ZNF362: variants seen among roughly 807,000 people sequenced by gnomAD.
ZNF362 encodes the protein zinc finger protein 362, also known as rotund homolog.
In ZNF362, 11 loss-of-function variants were observed where a neutral mutation model predicts 42.9. That is an observed-to-expected ratio of 0.26 (90% CI 0.16 to 0.42). ZNF362 has a LOEUF of 0.42. Among genes scored for constraint, ZNF362 ranks in the 20% least tolerant of loss-of-function variants. The probability of loss-of-function intolerance (pLI) is 1.00; values close to 1 mark genes in which losing one functional copy is unlikely to be tolerated. For synonymous variants in ZNF362, 255 were observed against 257.3 expected (o/e 0.99, Z 0.09); for missense variants, 362 against 576.2 (o/e 0.63, Z 3.81).
At chr1:33,282,898 C>G (rs1464559719) in intron 6 of ZNF362, among the ~76,000 whole-genome samples, 1 of 151,398 alleles carries the variant, frequency 6.6e-6, no homozygotes, top group Non-Finnish European at 1.5e-5. Flanking sequence ...ATAAAAATAC[C>G]ATTGGTATTT....
chr1:33,156,539 C>A, the ZNF362 span, among the ~76,000 whole-genome samples: 1 of 152,328 alleles, frequency 6.6e-6, no homozygotes, highest in South Asian at 2.1e-4. Flanking sequence ...TGCTCCTTCT[C>A]GGTCTCCTTG....
chr1:33,263,386 AC>A (rs2148067043), intron 1 of ZNF362, among the ~76,000 whole-genome samples: 1 of 152,070 alleles, frequency 6.6e-6, no homozygotes, highest in South Asian at 2.1e-4. Flanking sequence ...GTAGACAGGC[AC>A]TATATAAAAG....
At chr1:33,293,116 G>C (rs1168036388) in intron 6 of ZNF362, among the ~76,000 whole-genome samples, 1 of 152,224 alleles carries the variant, frequency 6.6e-6, no homozygotes, top group East Asian at 1.9e-4. Flanking sequence ...TCTGTGGTGA[G>C]GAATGTGCTC....
At chr1:33,256,911 TGCGTGTGTGTGTGTGCGCGC>T (rs1424864031) in intron 1 of ZNF362, among the ~76,000 whole-genome samples, 3 of 148,602 alleles carry the variant, frequency 2.0e-5, no homozygotes, top group Non-Finnish European at 4.5e-5. Context: ...CGAGTGTGTG[TGCGTGTGTGTGTGTGCGCGC>T]GCGTGTGTGT....
At chr1:33,224,510 G>A in the ZNF362 span, among the ~76,000 whole-genome samples, 1 of 152,142 alleles carries the variant, frequency 6.6e-6, no homozygotes, top group Non-Finnish European at 1.5e-5. Context: ...TACATAATTG[G>A]AAGGGATCTA....
In ZNF362 at chr1:33,266,330, A is replaced by C. The variant is rs1645864614; in HGVS notation, c.-88-4157A>C. 1.3e-5 allele frequency among the ~76,000 whole-genome samples: 2 copies of C among 152,154 alleles called. No individual in the cohort carries two copies. The highest frequency in any genetic ancestry group is 2.4e-5 in the African/African-American group (1 of 41,418). ...CTCAGTGAACATCTGTTGAGTACCC[A>C]GTGTATACTAGGCACTTGAGGCCCT... On this transcript the variant is annotated intron_variant, in intron 1 of 8. Coordinates refer to ENST00000539719, the MANE Select transcript of ZNF362 (RefSeq NM_152493.3). The surrounding 1 kb of genome is among the most constrained non-coding windows in gnomAD (Gnocchi z 4.3).
At chr1:33,286,398 A>AG (rs1192116808) in intron 6 of ZNF362, among the ~76,000 whole-genome samples, 1 of 152,082 alleles carries the variant, frequency 6.6e-6, no homozygotes, top group Non-Finnish European at 1.5e-5. Context: ...CCAAAAAAAA[A>AG]GCAACAAAAA....
the ZNF362 span, among the ~76,000 whole-genome samples, chr1:33,145,173 G>A: frequency 1.3e-5 from 2 of 152,176 alleles, no homozygotes; most frequent in African/African-American, 4.8e-5. Flanking sequence ...TTCCCTGGCT[G>A]GTAAGTTTTT....
chr1:33,130,844 A>C, the ZNF362 span, among the ~76,000 whole-genome samples: 1 of 152,238 alleles, frequency 6.6e-6, no homozygotes, highest in Non-Finnish European at 1.5e-5. Flanking sequence ...TGAATTGTGC[A>C]GTGGCTGTGC....
chr1:33,175,001 G>GTATTTATATGCA, the ZNF362 span, among the ~76,000 whole-genome samples: 1 of 135,646 alleles, frequency 7.4e-6, no homozygotes, highest in African/African-American at 2.9e-5. Flanking sequence ...ACACACACAT[G>GTATTTATATGCA]TATGTATATG....
chr1:33,256,007 G>C (rs1645786034), upstream of ZNF362, among the ~76,000 whole-genome samples: 1 of 151,600 alleles, frequency 6.6e-6, no homozygotes, highest in Non-Finnish European at 1.5e-5. Context: ...GGCCACGGCC[G>C]CCGGGGCCCC....
chr1:33,225,576 T>C, the ZNF362 span, among the ~76,000 whole-genome samples: 1 of 152,148 alleles, frequency 6.6e-6, no homozygotes, highest in Non-Finnish European at 1.5e-5. Context: ...TCTTTTATTG[T>C]AAGGTAAGAC....
the ZNF362 span, among the ~76,000 whole-genome samples, chr1:33,159,041 C>T: frequency 2.0e-5 from 3 of 152,012 alleles, no homozygotes; most frequent in East Asian, 5.8e-4. The surrounding 1 kb of genome is among the most constrained non-coding windows in gnomAD (Gnocchi z 4.2). Flanking sequence ...GACGGGGTTT[C>T]ACCATGTTAG....
the ZNF362 span, chr1:33,195,684 A>G: frequency 1.3e-5 from 2 of 152,100 alleles, no homozygotes; most frequent in Admixed American, 1.3e-4. Flanking sequence ...AGATTAAAGT[A>G]TGGTATATTT....
Position 33,269,486 on chromosome 1 carries a change from T to C in ZNF362, c.-88-1001T>C, listed in dbSNP as rs116487262. Among the ~76,000 whole-genome samples the C allele has an allele frequency of 2.9e-3, 440 of 152,290 alleles. 1 individual carries two copies. The highest frequency in any genetic ancestry group is 9.9e-3 in the African/African-American group (413 of 41,566). On this transcript the variant is annotated intron_variant, in intron 1 of 8. Transcript: ENST00000539719. ...GTCCGGATAGTTTTGGGTCCTGCTC[T>C]CTCGCATTTGCTTTGTGAAGAGCTA... is the stretch of plus-strand genomic sequence containing the variant.
At chr1:33,137,442 T>C in the ZNF362 span, among the ~76,000 whole-genome samples, 1 of 152,186 alleles carries the variant, frequency 6.6e-6, no homozygotes, top group East Asian at 1.9e-4. Context: ...TATAATTGGA[T>C]TCAACTAATC....
intron 1 of ZNF362, among the ~76,000 whole-genome samples, chr1:33,262,166 G>A (rs1014977460): frequency 1.1e-4 from 16 of 151,636 alleles, no homozygotes; most frequent in African/African-American, 3.9e-4. Flanking sequence ...GGAAGGCCAA[G>A]GGATTTGGCT....
the ZNF362 span, among the ~76,000 whole-genome samples, chr1:33,129,645 C>A: frequency 6.6e-6 from 1 of 152,082 alleles, no homozygotes; most frequent in African/African-American, 2.4e-5. This position sits in a 1 kb window ranked among gnomAD's most constrained non-coding sequence, Gnocchi z 4.1. Context: ...GGCATAAAAC[C>A]CAACCTGCTC....
chr1:33,295,710 G>T (rs776413321), intron 8 of ZNF362, among the ~76,000 whole-genome samples: 1 of 152,158 alleles, frequency 6.6e-6, no homozygotes. Flanking sequence ...TCTCAGGAAA[G>T]GCCTGAGCAG....
Sources: gnomAD v4.1 joint callset for allele counts (sites outside exome capture counted in the v4.1 genomes callset) on GRCh38, gnomAD v4.1.1 for gene constraint, Gnocchi (gnomAD v3.1) non-coding constraint, MANE v1.5 for transcripts, NCBI Gene and HGNC (gene_info 2026-07-23, HGNC 2026-07-21) for gene names.